The following KALRN variants were observed in gnomAD, a reference collection of about 807,000 sequenced individuals.
The protein encoded by KALRN is kalirin.
In KALRN, 70 loss-of-function variants were observed where a neutral mutation model predicts 353.7. That is an observed-to-expected ratio of 0.20 (90% CI 0.16 to 0.24). The LOEUF is 0.24. KALRN is among the 10% of genes least tolerant of loss of function. The probability of loss-of-function intolerance (pLI) is 1.00; values close to 1 mark genes in which losing one functional copy is unlikely to be tolerated. For missense variants in KALRN, 2,791 were observed against 3,756.7 expected (o/e 0.74, Z 6.72); for synonymous variants, 1,391 against 1,434.8 (o/e 0.97, Z 0.69).
intron 11 of KALRN, among the ~76,000 whole-genome samples, chr3:124,387,597 G>C (rs1444867932): frequency 6.6e-6 from 1 of 152,104 alleles, no homozygotes; most frequent in African/African-American, 2.4e-5. Context: ...TTATATAAAG[G>C]CTAGTAAACA....
intron 22 of KALRN, 43 bp from the exon 23 acceptor site, chr3:124,456,567 C>T: frequency 2.1e-6 from 3 of 1,437,338 alleles, no homozygotes; most frequent in Non-Finnish European, 2.9e-6. Context: ...AGTTGCTTTC[C>T]CAAAGCATCA....
chr3:124,225,739 C>T (rs1412139473), intron 1 of KALRN, among the ~76,000 whole-genome samples: 3 of 152,140 alleles, frequency 2.0e-5, no homozygotes, highest in Non-Finnish European at 4.4e-5. Flanking sequence ...TCCATTATAG[C>T]AAATTTGAAA....
intron 34 of KALRN, among the ~76,000 whole-genome samples, chr3:124,580,098 T>A (rs1193216806): frequency 5.3e-5 from 8 of 152,156 alleles, no homozygotes; most frequent in Non-Finnish European, 1.0e-4. Context: ...ACCAACAACA[T>A]CAGCATCACC....
At chr3:124,652,843 C>G (rs952334746) in intron 38 of KALRN, among the ~76,000 whole-genome samples, 8 of 152,152 alleles carry the variant, frequency 5.3e-5, no homozygotes, top group Non-Finnish European at 7.3e-5. Flanking sequence ...TCCCAAAGTG[C>G]TGGGATTACA....
At chr3:124,070,350 G>T (rs756339046) in intron 1 of KALRN, among the ~76,000 whole-genome samples, 3 of 152,164 alleles carry the variant, frequency 2.0e-5, no homozygotes, top group Non-Finnish European at 4.4e-5. Flanking sequence ...CCAGGTCCTT[G>T]CAGAACCTGC....
intron 5 of KALRN, among the ~76,000 whole-genome samples, chr3:124,290,770 C>T (rs570889705): frequency 1.3e-5 from 2 of 152,180 alleles, no homozygotes; most frequent in South Asian, 4.2e-4. Flanking sequence ...ATATAAAGTG[C>T]TTAGTACAGT....
At chr3:124,534,597 G>C (rs935524328) in intron 33 of KALRN, among the ~76,000 whole-genome samples, 4 of 152,140 alleles carry the variant, frequency 2.6e-5, no homozygotes, top group African/African-American at 9.7e-5. Flanking sequence ...GATGAAGAGA[G>C]AGTATTGATG....
intron 33 of KALRN, among the ~76,000 whole-genome samples, chr3:124,527,612 AAG>A (rs1395364568): frequency 6.6e-6 from 1 of 151,488 alleles, no homozygotes; most frequent in African/African-American, 2.4e-5. Context: ...AAAAAAAAAA[AAG>A]AAGAAGAAGA....
chr3:124,350,595 G>A (rs1236014885), intron 10 of KALRN, among the ~76,000 whole-genome samples: 1 of 152,138 alleles, frequency 6.6e-6, no homozygotes. Flanking sequence ...GTGCCCATTT[G>A]CTTATGGGAA....
At chr3:124,202,734 G>C (rs987149606) in intron 1 of KALRN, among the ~76,000 whole-genome samples, 1 of 152,058 alleles carries the variant, frequency 6.6e-6, no homozygotes, top group Non-Finnish European at 1.5e-5. Context: ...AGATACAATG[G>C]GGGCCCTTCC....
At chr3:124,528,926 A>G (rs543268897) in intron 33 of KALRN, among the ~76,000 whole-genome samples, 1 of 152,340 alleles carries the variant, frequency 6.6e-6, no homozygotes, top group South Asian at 2.1e-4. Flanking sequence ...GGGGGGCTCT[A>G]AACATACCCA....
In KALRN at chr3:124,586,277, G is replaced by C. The variant is rs143211892; in HGVS notation, c.5182+23188G>C. ...CAGGAAATGGCCAAGGGGAATCTGAGTGGGTGGGTTCGCTCGAAGGCTGCC... is the reference window on the plus strand; with the variant it reads ...CAGGAAATGGCCAAGGGGAATCTGACTGGGTGGGTTCGCTCGAAGGCTGCC... On this transcript the variant is annotated intron_variant, in intron 34 of 59. Coordinates refer to ENST00000682506, the MANE Select transcript of KALRN (RefSeq NM_001388419.1). 5.4e-3 allele frequency among the ~76,000 whole-genome samples: 818 copies of C among 152,316 alleles called. 8 individuals carry two copies. The highest frequency in any genetic ancestry group is 0.018 in the African/African-American group (765 of 41,566).
intron 33 of KALRN, among the ~76,000 whole-genome samples, chr3:124,499,311 G>A (rs2064241619): frequency 5.9e-5 from 9 of 152,178 alleles, no homozygotes; most frequent in Admixed American, 5.9e-4. Flanking sequence ...CTGACACTCT[G>A]TGTCACATTG....
At chr3:124,152,007 C>T (rs2068174389) in intron 1 of KALRN, 1 of 1,485,188 alleles carries the variant, frequency 6.7e-7, no homozygotes, top group Non-Finnish European at 9.3e-7. Context: ...CTGTTGCCAG[C>T]ATCTCCACCT....
Position 124,178,116 on chromosome 3 carries a change from A to T in KALRN, c.74-49874A>T, listed in dbSNP as rs1218230690. Among the ~76,000 whole-genome samples the T allele has an allele frequency of 3.3e-5, 5 of 152,360 alleles. No individual in the cohort carries two copies. The East Asian group carries it at 7.7e-4, about 24-fold the overall frequency. ...ATAGCCCTCTTGTTGTATCTACAAC[A>T]TACCTCTTTACTAAAAGGGTCATGT... On this transcript the variant is annotated intron_variant, in intron 1 of 59. Transcript: ENST00000682506.
intron 29 of KALRN, among the ~76,000 whole-genome samples, chr3:124,489,267 A>G (rs2062883778): frequency 6.6e-6 from 1 of 152,186 alleles, no homozygotes; most frequent in South Asian, 2.1e-4. Flanking sequence ...AGATCGCACC[A>G]CTGCACTCCA....
intron 33 of KALRN, among the ~76,000 whole-genome samples, chr3:124,539,925 G>GGT (rs1554023341): frequency 7.1e-6 from 1 of 140,046 alleles, no homozygotes; most frequent in Non-Finnish European, 1.5e-5. Context: ...TTTTTTTTGG[G>GGT]GGGGGGGACA....
In KALRN at chr3:124,492,830, G is replaced by C; in HGVS notation, c.4780G>C (p.Glu1594Gln). The change falls in exon 32 of 60, where the codon GAG (glutamate) becomes CAG (glutamine). Residue 1594 changes from glutamate to glutamine, a missense_variant. Glu to Gln is a conservative substitution (Grantham distance 29). This residue lies in a region of KALRN where 239 missense variants were observed against 351.3 expected (regional missense o/e 0.68). Coordinates refer to ENST00000682506, the MANE Select transcript of KALRN (RefSeq NM_001388419.1). ...RIIHLKGALK[E>Q]PLQLPKTPAK... ...CATTCACCTGAAAGGAGCTTTAAAG[G>C]AGCCACTTCAGCTCCCCAAAACACC... 6.2e-7 allele frequency: 1 copy of C among 1,614,124 alleles called. No individual in the cohort carries two copies. The highest frequency in any genetic ancestry group is 8.5e-7 in the Non-Finnish European group (1 of 1,179,996).
chr3:124,416,187 G>C (rs541301274), intron 14 of KALRN, among the ~76,000 whole-genome samples: 4 of 152,344 alleles, frequency 2.6e-5, no homozygotes, highest in South Asian at 4.1e-4. Flanking sequence ...AGCAGGAAAA[G>C]GAGGCTTGTC....
Sources: allele counts gnomAD v4.1 joint callset (sites outside exome capture counted in the v4.1 genomes callset), GRCh38; gene constraint gnomAD v4.1.1; regional missense constraint gnomAD v4.1.1; transcripts MANE v1.5; gene names NCBI Gene and HGNC (gene_info 2026-07-23, HGNC 2026-07-21).